SPN: variants seen among roughly 807,000 people sequenced by gnomAD.
SPN encodes the protein leukosialin.
SPN carries 6 observed loss-of-function variants against 8.4 expected under a neutral mutation model. The observed-to-expected ratio is 0.72, with a 90% confidence interval of 0.39 to 1.42. The LOEUF is 1.42. SPN is among the 40% of genes most tolerant of loss of function. The probability of loss-of-function intolerance (pLI) is 0.02; values close to 1 mark genes in which losing one functional copy is unlikely to be tolerated. For missense variants in SPN, 517 were observed against 530.6 expected, an observed-to-expected ratio of 0.97 and a Z score of 0.25; for synonymous variants, 201 against 222.6, an observed-to-expected ratio of 0.90 and a Z score of 0.86.
Position 29,665,806 on chromosome 16 carries a change from G to C in SPN, c.*875G>C, listed in dbSNP as rs1023095736. 6.0e-6 allele frequency: 1 copy of C among 166,976 alleles called. No homozygotes were observed. The highest frequency in any genetic ancestry group is 2.4e-5 in the African/African-American group (1 of 41,466). The allele number at this position is 166,976 out of a possible 1,614,324, so 10.3% of individuals were successfully genotyped here. The stretch of plus-strand genomic sequence containing the variant: ...CCCCAGGCCAGCCTGGAGCATGGCT[G>C]GGTGGGGCCACCAGCCCATGCTCTC... On this transcript the variant is annotated 3_prime_UTR_variant, in exon 2 of 2. Transcript: ENST00000652691.
rs1466095058 is a variant in SPN, at chr16:29,668,319, T to C, written c.*3388T>C. ...ATCCACCTGCCTCAGCCTCCCAAAA[T>C]GCTGGGACTATAGGCATGAGCCACT... On this transcript the variant is annotated 3_prime_UTR_variant, in exon 2 of 2. Coordinates refer to ENST00000652691, the MANE Select transcript of SPN (RefSeq NM_003123.6). 6.6e-6 allele frequency: 1 copy of C among 152,456 alleles called. No individual in the cohort carries two copies. The highest frequency in any genetic ancestry group is 1.5e-5 in the Non-Finnish European group (1 of 68,030). 9.4% of individuals were successfully genotyped at this position (152,456 alleles called of 1,614,324 possible).
Position 29,663,772 on chromosome 16 carries a change from C to T in SPN, c.44C>T (p.Pro15Leu), listed in dbSNP as rs1966764723. The change falls in exon 2 of 2, where the codon CCA becomes CTA. Residue 15 changes from proline to leucine, a missense_variant. By Grantham distance (98) the Pro-to-Leu change is moderately conservative (BLOSUM62 -3). Transcript: ENST00000652691. This position sits in a 1 kb window ranked among gnomAD's most constrained non-coding sequence, Gnocchi z 4.3. Reference sequence around the variant, plus strand: ...CTCCTTGGGGTGCTGGTGGTAAGCCCAGACGCTCTGGGGAGCACAACAGCA... The same window carrying T: ...CTCCTTGGGGTGCTGGTGGTAAGCCTAGACGCTCTGGGGAGCACAACAGCA... The part of the protein sequence containing the change: ...LLLLGVLVVS[P>L]DALGSTTAVQ... 6.2e-7 allele frequency: 1 copy of T among 1,607,708 alleles called. No homozygotes were observed. The highest frequency in any genetic ancestry group is 1.1e-5 in the South Asian group (1 of 90,338).
At position 29,665,984 on chromosome 16, in the gene SPN, T is replaced by G. The variant is rs1402048717; in HGVS notation, c.*1053T>G. 6.0e-6 allele frequency: 1 copy of G among 167,092 alleles called. No individual in the cohort carries two copies. Among genetic ancestry groups the G allele is most frequent in the Non-Finnish European group, 1.5e-5 (1 of 68,172 alleles). 10.4% of individuals were successfully genotyped at this position (167,092 alleles called of 1,614,324 possible). ...TGGGTGTAGTTCTCAGAAACCCCAGTGCCTGCGTGTGTCCACTCGTGGGTG... is the reference window on the plus strand; with the variant it reads ...TGGGTGTAGTTCTCAGAAACCCCAGGGCCTGCGTGTGTCCACTCGTGGGTG... On this transcript the variant is annotated 3_prime_UTR_variant, in exon 2 of 2. Coordinates refer to ENST00000652691, the MANE Select transcript of SPN (RefSeq NM_003123.6).
Position 29,666,221 on chromosome 16 carries a change from G to T in SPN, c.*1290G>T. The T allele has an allele frequency of 6.0e-6, 1 of 166,692 alleles. No individual in the cohort carries two copies. 10.3% of individuals were successfully genotyped at this position (166,692 alleles called of 1,614,324 possible). ...CTCTGTCTGTAGCCCCATACAGAATGCCAGGGTGAGCACAGTGGCTGGTGC... is the reference window on the plus strand; with the variant it reads ...CTCTGTCTGTAGCCCCATACAGAATTCCAGGGTGAGCACAGTGGCTGGTGC... On this transcript the variant is annotated 3_prime_UTR_variant, in exon 2 of 2. Coordinates refer to ENST00000652691, the MANE Select transcript of SPN (RefSeq NM_003123.6).
At position 29,665,760 on chromosome 16, in the gene SPN, A is replaced by C. The variant is rs1377330540; in HGVS notation, c.*829A>C. ...GGGCTGTGGAACCTGGGCAGCCCGC[A>C]ACCACCTTTAGCTCTGGGCCCCCCA... On this transcript the variant is annotated 3_prime_UTR_variant, in exon 2 of 2. Coordinates refer to ENST00000652691, the MANE Select transcript of SPN (RefSeq NM_003123.6). 1.2e-5 allele frequency: 2 copies of C among 167,042 alleles called. No homozygotes were observed. Among genetic ancestry groups the C allele is most frequent in the Non-Finnish European group, 2.9e-5 (2 of 68,136 alleles). 10.3% of individuals were successfully genotyped at this position (167,042 alleles called of 1,614,324 possible).
rs1966802063 is a variant in SPN, at chr16:29,665,829, C to T, written c.*898C>T. The T allele has an allele frequency of 6.0e-6, 1 of 166,974 alleles. No homozygotes were observed. The highest frequency in any genetic ancestry group is 1.5e-5 in the Non-Finnish European group (1 of 68,150). The allele number at this position is 166,974 out of a possible 1,614,324, so 10.3% of individuals were successfully genotyped here. A position where few individuals can be genotyped will look rare whatever the true frequency, so the allele number is the denominator to read the frequency against. On this transcript the variant is annotated 3_prime_UTR_variant, in exon 2 of 2. Transcript: ENST00000652691. ...CTGGGTGGGGCCACCAGCCCATGCT[C>T]TCAGGCGGGCCTGTGATCTTTCCCA...
At position 29,669,577 on chromosome 16, in the gene SPN, CA is replaced by C. The variant is rs1011038317; in HGVS notation, c.*4653del. On this transcript the variant is annotated 3_prime_UTR_variant, in exon 2 of 2. Transcript: ENST00000652691. Reference sequence around the variant, plus strand: ...GATATTTTAAGACTAAAAAGGAAAACAAAAAAAGGAGATAGAGCAGGCCAGA... The same window carrying C: ...GATATTTTAAGACTAAAAAGGAAAACAAAAAAGGAGATAGAGCAGGCCAGA... The C allele has an allele frequency of 1.2e-5, 2 of 163,168 alleles. No individual in the cohort carries two copies. 10.1% of individuals were successfully genotyped at this position (163,168 alleles called of 1,614,324 possible).
At position 29,663,787 on chromosome 16, in the gene SPN, G is replaced by C; in HGVS notation, c.59G>C (p.Ser20Thr). 4 of 1,612,514 alleles carry C rather than the reference G, an allele frequency of 2.5e-6. No individual in the cohort carries two copies. Among genetic ancestry groups the C allele is most frequent in the South Asian group, 1.1e-5 (1 of 90,916 alleles). Reference sequence around the variant, plus strand: ...GTGGTAAGCCCAGACGCTCTGGGGAGCACAACAGCAGTGCAGACACCCACC... The same window carrying C: ...GTGGTAAGCCCAGACGCTCTGGGGACCACAACAGCAGTGCAGACACCCACC... ...VLVVSPDALG[S>T]TTAVQTPTSG... is the part of the protein sequence containing the mutation. The change falls in exon 2 of 2, where the codon AGC becomes ACC. Residue 20 changes from serine to threonine, a missense_variant. Transcript: ENST00000652691. The surrounding 1 kb of genome is among the most constrained non-coding windows in gnomAD (Gnocchi z 4.3).
At position 29,668,732 on chromosome 16, in the gene SPN, G is replaced by GCCAGGGATTATAGGTGTGA. The variant is rs1966840827; in HGVS notation, c.*3804_*3805insGGGATTATAGGTGTGACCA. 6.0e-6 allele frequency: 1 copy of GCCAGGGATTATAGGTGTGA among 166,918 alleles called. No homozygotes were observed. The highest frequency in any genetic ancestry group is 1.5e-5 in the Non-Finnish European group (1 of 68,116). 10.3% of individuals were successfully genotyped at this position (166,918 alleles called of 1,614,324 possible). ...CCAAATACTGGGATTATAGGTGTGA[G>GCCAGGGATTATAGGTGTGA]CCACTGTGCCCAGGCTTGCCTCAGA... On this transcript the variant is annotated 3_prime_UTR_variant, in exon 2 of 2. Coordinates refer to ENST00000652691, the MANE Select transcript of SPN (RefSeq NM_003123.6).
Position 29,664,158 on chromosome 16 carries a change from A to C in SPN, c.430A>C (p.Ser144Arg). Residue 144 changes from serine to arginine, a missense_variant, in exon 2 of 2, where the codon AGT (serine) becomes CGT (arginine). By Grantham distance (110) the Ser-to-Arg change is moderately radical (BLOSUM62 -1). Coordinates refer to ENST00000652691, the MANE Select transcript of SPN (RefSeq NM_003123.6). This position sits in a 1 kb window ranked among gnomAD's most constrained non-coding sequence, Gnocchi z 6.4. ...TITTNSPETS[S>R]RTSGAPVTTA... Reference sequence around the variant, plus strand: ...AACAACGAACTCTCCAGAAACCTCCAGTAGGACCAGTGGAGCCCCTGTTAC... The same window carrying C: ...AACAACGAACTCTCCAGAAACCTCCCGTAGGACCAGTGGAGCCCCTGTTAC... 1 of 1,614,018 alleles carries C rather than the reference A, an allele frequency of 6.2e-7. No individual in the cohort carries two copies. Among genetic ancestry groups the C allele is most frequent in the Non-Finnish European group, 8.5e-7 (1 of 1,179,986 alleles).
In SPN at chr16:29,666,826, G is replaced by T; in HGVS notation, c.*1895G>T. On this transcript the variant is annotated 3_prime_UTR_variant, in exon 2 of 2. Coordinates refer to ENST00000652691, the MANE Select transcript of SPN (RefSeq NM_003123.6). ...GGTGCTGCCTTTGAGACCAGCCCAGGCTACAGCCCAGGAGCACACATGGGC... is the reference window on the plus strand; with the variant it reads ...GGTGCTGCCTTTGAGACCAGCCCAGTCTACAGCCCAGGAGCACACATGGGC... The T allele has an allele frequency of 2.2e-6, 1 of 457,236 alleles. No homozygotes were observed. 28.3% of individuals were successfully genotyped at this position (457,236 alleles called of 1,614,324 possible).
chr16:29,667,042 G>C lies in SPN; in HGVS notation c.*2111G>C. On this transcript the variant is annotated 3_prime_UTR_variant, in exon 2 of 2. Coordinates refer to ENST00000652691, the MANE Select transcript of SPN (RefSeq NM_003123.6). ...AAAGGGTCAGGTGGGGGATGGGCTC[G>C]TGCAGTGGGAGAGGAGACGGAGGGA... The C allele has an allele frequency of 2.1e-6, 1 of 470,872 alleles. No homozygotes were observed. The highest frequency in any genetic ancestry group is 4.4e-6 in the Non-Finnish European group (1 of 226,812). 29.2% of individuals were successfully genotyped at this position (470,872 alleles called of 1,614,324 possible). A position where few individuals can be genotyped will look rare whatever the true frequency, so the allele number is the denominator to read the frequency against.
chr16:29,663,426 G>A lies in SPN; in HGVS notation c.-35+110G>A. The A allele has an allele frequency of 3.0e-6, 1 of 333,956 alleles. No homozygotes were observed. The highest frequency in any genetic ancestry group is 5.5e-6 in the Non-Finnish European group (1 of 181,784). 20.7% of individuals were successfully genotyped at this position (333,956 alleles called of 1,614,324 possible). On this transcript the variant is annotated intron_variant, in intron 1 of 1. Transcript: ENST00000652691. This position sits in a 1 kb window ranked among gnomAD's most constrained non-coding sequence, Gnocchi z 4.3. Reference sequence around the variant, plus strand: ...ATGGGAAGAGATTGGGAGCCATTGGGCTGCACAGGGTCAGGGAAGGCCAGG... The same window carrying A: ...ATGGGAAGAGATTGGGAGCCATTGGACTGCACAGGGTCAGGGAAGGCCAGG...
Position 29,667,917 on chromosome 16 carries a change from CGTGCGTGCAT to C in SPN, c.*2995_*3004del, listed in dbSNP as rs1567322014. On this transcript the variant is annotated 3_prime_UTR_variant, in exon 2 of 2. Coordinates refer to ENST00000652691, the MANE Select transcript of SPN (RefSeq NM_003123.6). Reference sequence around the variant, plus strand: ...ACATATGTGTGTACGTGTGCATGTGCGTGCGTGCATGTGCGTGCGTGCATGTGCCTGTGTG... The same window carrying C: ...ACATATGTGTGTACGTGTGCATGTGCGTGCGTGCGTGCATGTGCCTGTGTG... 6.0e-6 allele frequency: 1 copy of C among 166,264 alleles called. No individual in the cohort carries two copies. The highest frequency in any genetic ancestry group is 2.4e-5 in the African/African-American group (1 of 41,302). 10.3% of individuals were successfully genotyped at this position (166,264 alleles called of 1,614,324 possible).
At position 29,666,553 on chromosome 16, in the gene SPN, C is replaced by T. The variant is rs1196052868; in HGVS notation, c.*1622C>T. On this transcript the variant is annotated 3_prime_UTR_variant, in exon 2 of 2. Transcript: ENST00000652691. ...ACACACACACACACACACACACACA[C>T]GCGCGCGCGCGCGCGCTCTCCTGCG... The T allele has an allele frequency of 9.3e-6, 1 of 107,814 alleles. No individual in the cohort carries two copies. Among genetic ancestry groups the T allele is most frequent in the Non-Finnish European group, 2.0e-5 (1 of 49,554 alleles). The allele number at this position is 107,814 out of a possible 1,614,324, so 6.7% of individuals were successfully genotyped here. A position where few individuals can be genotyped will look rare whatever the true frequency, so the allele number is the denominator to read the frequency against.
rs751967728 is a variant in SPN, at chr16:29,663,974, T to G, written c.246T>G (p.Gly82=). The G allele has an allele frequency of 6.2e-7, 1 of 1,614,090 alleles. No homozygotes were observed. Among genetic ancestry groups the G allele is most frequent in the Non-Finnish European group, 8.5e-7 (1 of 1,180,018 alleles). The change falls in exon 2 of 2, where the codon GGT becomes GGG. Residue 82 remains glycine (G), a synonymous_variant. Transcript: ENST00000652691. This position sits in a 1 kb window ranked among gnomAD's most constrained non-coding sequence, Gnocchi z 4.3. ...NEGSPLWTSI[G]ASTGSPLPEP... is the part of the protein sequence containing the mutation. ...GATCCCCTCTTTGGACTTCCATTGG[T>G]GCCAGCACTGGTTCCCCTTTACCTG...
At position 29,663,970 on chromosome 16, in the gene SPN, T is replaced by C. The variant is rs201258035; in HGVS notation, c.242T>C (p.Ile81Thr). Residue 81 changes from isoleucine to threonine, a missense_variant, in exon 2 of 2, where the codon ATT becomes ACT. Ile to Thr is a moderately conservative substitution (Grantham distance 89). Transcript: ENST00000652691. The surrounding 1 kb of genome is among the most constrained non-coding windows in gnomAD (Gnocchi z 4.3). ...INEGSPLWTSIGASTGSPLPE... is the reference protein window; with the variant it reads ...INEGSPLWTSTGASTGSPLPE... ...GAGGGATCCCCTCTTTGGACTTCCA[T>C]TGGTGCCAGCACTGGTTCCCCTTTA... The C allele has an allele frequency of 3.1e-6, 5 of 1,614,110 alleles. No homozygotes were observed. The highest frequency in any genetic ancestry group is 2.2e-5 in the South Asian group (2 of 91,086).
rs1457246372 is a variant in SPN, at chr16:29,665,143, C to G, written c.*212C>G. 2.1e-6 allele frequency: 1 copy of G among 475,634 alleles called. No homozygotes were observed. The highest frequency in any genetic ancestry group is 3.5e-6 in the Non-Finnish European group (1 of 286,964). 29.5% of individuals were successfully genotyped at this position (475,634 alleles called of 1,614,324 possible). A position where few individuals can be genotyped will look rare whatever the true frequency, so the allele number is the denominator to read the frequency against. The stretch of plus-strand genomic sequence containing the variant: ...GATCTCAGTTCACTGCAACCTCTGC[C>G]TCCTAAGTTCAGGCGATTCTCCTGC... On this transcript the variant is annotated 3_prime_UTR_variant, in exon 2 of 2. Coordinates refer to ENST00000652691, the MANE Select transcript of SPN (RefSeq NM_003123.6).
chr16:29,664,637 G>C lies in SPN; in HGVS notation c.909G>C (p.Trp303Cys), dbSNP rs1295654212. The C allele has an allele frequency of 7.6e-6, 12 of 1,571,048 alleles. No individual in the cohort carries two copies. The highest frequency in any genetic ancestry group is 1.0e-5 in the Non-Finnish European group (12 of 1,160,194). Residue 303 changes from tryptophan (W) to cysteine (C), a missense_variant, in exon 2 of 2, where the codon TGG becomes TGC. Physicochemically the swap from Trp to Cys is radical, Grantham distance 215. Transcript: ENST00000652691. This position sits in a 1 kb window ranked among gnomAD's most constrained non-coding sequence, Gnocchi z 6.4. Reference sequence around the variant, plus strand: ...AGCGTAACGGGGTGGTGGACGCCTGGGCTGGGCCAGCCCAGGTCCCTGAGG... The same window carrying C: ...AGCGTAACGGGGTGGTGGACGCCTGCGCTGGGCCAGCCCAGGTCCCTGAGG... ...GGKRNGVVDAWAGPAQVPEEG... is the reference protein window; with the variant it reads ...GGKRNGVVDACAGPAQVPEEG...
Sources: gnomAD v4.1 joint callset for allele counts on GRCh38, gnomAD v4.1.1 for gene constraint, Gnocchi (gnomAD v3.1) non-coding constraint, MANE v1.5 for transcripts, NCBI Gene and HGNC (gene_info 2026-07-23, HGNC 2026-07-21) for gene names.